OPCML: variants seen among roughly 807,000 people sequenced by gnomAD.
OPCML encodes the protein opioid-binding protein/cell adhesion molecule.
Under a neutral mutation model 37.8 loss-of-function variants are expected in OPCML, and 13 were observed. The observed-to-expected ratio is 0.34, with a 90% CI of 0.22 to 0.55. The LOEUF (loss-of-function observed/expected upper bound fraction) is 0.55. Among genes scored for constraint, OPCML ranks in the 20% least tolerant of loss-of-function variants. OPCML has a pLI of 0.91. For synonymous variants in OPCML, 176 were observed against 168.8 expected, an observed-to-expected ratio of 1.04 and a Z score of -0.33; for missense variants, 341 against 435.6, an observed-to-expected ratio of 0.78 and a Z score of 1.93.
chr11:132,608,823 C>G (rs1938461218), intron 3 of OPCML, among the ~76,000 whole-genome samples: 1 of 152,152 alleles, frequency 6.6e-6, no homozygotes. Context: ...CAGGGAGTTC[C>G]TTTGCTCACC....
At chr11:132,857,423 T>A (rs966770867) in intron 2 of OPCML, among the ~76,000 whole-genome samples, 3 of 152,352 alleles carry the variant, frequency 2.0e-5, no homozygotes, top group African/African-American at 7.2e-5. Context: ...TTAATTGATA[T>A]GGTTTCTGAT....
chr11:132,597,451 A>T (rs2096494140), intron 3 of OPCML, among the ~76,000 whole-genome samples: 1 of 152,170 alleles, frequency 6.6e-6, no homozygotes, highest in African/African-American at 2.4e-5. Context: ...CTGGCCTCTT[A>T]TTCTTGACTC....
At chr11:133,150,639 G>C (rs576377719) in intron 1 of OPCML, among the ~76,000 whole-genome samples, 2 of 152,208 alleles carry the variant, frequency 1.3e-5, no homozygotes, top group East Asian at 3.9e-4. Flanking sequence ...GGCACTATAA[G>C]ACCCCACTCC....
At chr11:133,239,667 C>G (rs1411089150) in intron 1 of OPCML, among the ~76,000 whole-genome samples, 1 of 152,232 alleles carries the variant, frequency 6.6e-6, no homozygotes, top group Non-Finnish European at 1.5e-5. Flanking sequence ...CGCGGTGTGA[C>G]ATCCCCACGG....
At chr11:132,897,285 G>C (rs1943887228) in intron 2 of OPCML, among the ~76,000 whole-genome samples, 1 of 152,172 alleles carries the variant, frequency 6.6e-6, no homozygotes, top group African/African-American at 2.4e-5. Flanking sequence ...CTCTTGGCCA[G>C]CTACTGGGCC....
intron 1 of OPCML, among the ~76,000 whole-genome samples, chr11:133,122,132 G>C (rs1365371868): frequency 2.0e-5 from 3 of 152,214 alleles, no homozygotes; most frequent in Admixed American, 1.3e-4. Flanking sequence ...GGTAATAGTA[G>C]AGATAACACT....
At chr11:132,776,265 G>T (rs1946806430) in intron 2 of OPCML, among the ~76,000 whole-genome samples, 1 of 152,232 alleles carries the variant, frequency 6.6e-6, no homozygotes, top group Non-Finnish European at 1.5e-5. Context: ...ACCCATGGTG[G>T]TTTTACAGCA....
At chr11:132,654,049 C>T (rs1941572278) in intron 3 of OPCML, among the ~76,000 whole-genome samples, 1 of 152,158 alleles carries the variant, frequency 6.6e-6, no homozygotes, top group South Asian at 2.1e-4. Context: ...CTTTCATTAT[C>T]TTTATCTAAC....
At chr11:133,286,843 C>T (rs768372962) in intron 1 of OPCML, among the ~76,000 whole-genome samples, 2 of 152,150 alleles carry the variant, frequency 1.3e-5, no homozygotes, top group Non-Finnish European at 2.9e-5. Flanking sequence ...ATACATGAAC[C>T]GGTCAATCAT....
At chr11:133,063,681 C>T (rs1565426938) in intron 1 of OPCML, among the ~76,000 whole-genome samples, 1 of 152,204 alleles carries the variant, frequency 6.6e-6, no homozygotes, top group South Asian at 2.1e-4. Flanking sequence ...CCTGCCTCAG[C>T]CTCCTGAGTA....
chr11:133,141,009 C>CGAA (rs1477041886), intron 1 of OPCML, among the ~76,000 whole-genome samples: 1 of 6,124 alleles, frequency 1.6e-4, no homozygotes, highest in African/African-American at 3.9e-4. Context: ...ACGACGACGA[C>CGAA]GACGACGACG....
chr11:132,506,832 A>G (rs2096257988), intron 4 of OPCML, among the ~76,000 whole-genome samples: 1 of 152,162 alleles, frequency 6.6e-6, no homozygotes, highest in African/African-American at 2.4e-5. Context: ...GAACAAAAAG[A>G]GGAAAACAAA....
chr11:132,531,082 C>T (rs2096323775), intron 3 of OPCML, among the ~76,000 whole-genome samples: 1 of 152,156 alleles, frequency 6.6e-6, no homozygotes, highest in Admixed American at 6.5e-5. Flanking sequence ...ACTGTCTTTG[C>T]ACCTAGAGGA....
rs115373595 is a variant in OPCML at position 133,524,258 on chromosome 11, G to A, written c.61+8006C>T. Among the ~76,000 whole-genome samples the A allele has an allele frequency of 7.0e-3, 1,070 of 152,296 alleles. 17 individuals are homozygous for A. The highest frequency in any genetic ancestry group is 0.024 in the African/African-American group (1,003 of 41,578). On this transcript the variant is annotated intron_variant, in intron 1 of 7. Coordinates refer to ENST00000524381, the MANE Select transcript of OPCML (RefSeq NM_001012393.5). Reference sequence around the variant, plus strand: ...AAGACCGTGAAATAGGCCAGACTGCGATAAGTGAGTAGGTGCAAGAAGTGA... The same window carrying A: ...AAGACCGTGAAATAGGCCAGACTGCAATAAGTGAGTAGGTGCAAGAAGTGA...
intron 2 of OPCML, among the ~76,000 whole-genome samples, chr11:132,844,850 C>G (rs1056615403): frequency 5.3e-5 from 8 of 151,232 alleles, no homozygotes; most frequent in Non-Finnish European, 1.0e-4. Flanking sequence ...TATAAGTGGA[C>G]CTATATAGCT....
chr11:132,947,398 TC>T (rs1373938964), intron 1 of OPCML, among the ~76,000 whole-genome samples: 1 of 152,120 alleles, frequency 6.6e-6, no homozygotes, highest in Non-Finnish European at 1.5e-5. Flanking sequence ...GTATCTGGAG[TC>T]CTAAGGAAGA....
At chr11:133,004,553 C>A (rs1256356727) in intron 1 of OPCML, 1 of 985,346 alleles carries the variant, frequency 1.0e-6, no homozygotes, top group African/African-American at 1.7e-5. Context: ...GCCGTCCTGA[C>A]ACTGCCTGCC....
chr11:133,471,352 T>A (rs1947109924), intron 1 of OPCML, among the ~76,000 whole-genome samples: 1 of 152,198 alleles, frequency 6.6e-6, no homozygotes, highest in Admixed American at 6.5e-5. Context: ...TATGGAATGA[T>A]CTCCAAGAAA....
intron 2 of OPCML, among the ~76,000 whole-genome samples, chr11:132,696,826 G>A (rs1943617795): frequency 6.6e-6 from 1 of 151,978 alleles, no homozygotes; most frequent in Admixed American, 6.6e-5. Context: ...AGAGAATGGA[G>A]AAAGTAGAGA....
Sources: gnomAD v4.1 joint callset for allele counts (sites outside exome capture counted in the v4.1 genomes callset) on GRCh38, gnomAD v4.1.1 for gene constraint, MANE v1.5 for transcripts, NCBI Gene and HGNC (gene_info 2026-07-23, HGNC 2026-07-21) for gene names.